The following KCNH3 variants were observed in gnomAD, a reference collection of about 807,000 sequenced individuals.
KCNH3 encodes the protein potassium voltage-gated channel subfamily H member 3.
In KCNH3, 36 loss-of-function variants were observed where a neutral mutation model predicts 95.6. That is an observed-to-expected ratio of 0.38 (90% confidence interval 0.29 to 0.50). The LOEUF (loss-of-function observed/expected upper bound fraction) is 0.50, where lower values mean the gene tolerates loss of function less well. KCNH3 is among the 20% of genes least tolerant of loss of function. The pLI is 0.95. For missense variants in KCNH3, 1,030 were observed against 1,484.1 expected (o/e 0.69, Z 5.03); for synonymous variants, 620 against 646.3 (o/e 0.96, Z 0.62).
In KCNH3 at chr12:49,556,304, C is replaced by A. The variant is rs540205301; in HGVS notation, c.2469-66C>A. 7 of 1,197,686 alleles carry A rather than the reference C, an allele frequency of 5.8e-6. No homozygotes were observed. In the African/African-American group the frequency reaches 9.0e-5, roughly 15 times the overall value. 74.2% of individuals were successfully genotyped at this position (1,197,686 alleles called of 1,614,324 possible). A position where few individuals can be genotyped will look rare whatever the true frequency, so the allele number is the denominator to read the frequency against. ...TGTGTGTGTGGACGCTGGGGCATCCCGTCCCGTATGACCCCACAGTGGCTG... is the reference window on the plus strand; with the variant it reads ...TGTGTGTGTGGACGCTGGGGCATCCAGTCCCGTATGACCCCACAGTGGCTG... On this transcript the variant is annotated intron_variant, in intron 12 of 14. Coordinates refer to ENST00000257981, the MANE Select transcript of KCNH3 (RefSeq NM_012284.3).
At chr12:49,544,141 T>TCCCAAC (rs1937972040) in intron 6 of KCNH3, 34 bp from the exon 7 acceptor site, 13 of 1,413,384 alleles carry the variant, frequency 9.2e-6, no homozygotes, top group Non-Finnish European at 1.2e-5. Flanking sequence ...CCCGCTGACC[T>TCCCAAC]CCCTCCCTCC....
Position 49,542,715 on chromosome 12 carries a change from G to A in KCNH3, c.455G>A (p.Arg152Gln), listed in dbSNP as rs930581543. Residue 152 changes from arginine to glutamine, a missense_variant, in exon 4 of 15, where the codon CGG becomes CAG. Arg to Gln is a conservative substitution (Grantham distance 43). Transcript: ENST00000257981. ...CCCTCTTCTTTCGCAGGTGGTGGCCGGCGCCGATATGGCCGGGCACGATCC... is the reference window on the plus strand; with the variant it reads ...CCCTCTTCTTTCGCAGGTGGTGGCCAGCGCCGATATGGCCGGGCACGATCC... ...PDRWKETGGG[R>Q]RRYGRARSKG... The A allele has an allele frequency of 1.8e-5, 29 of 1,577,052 alleles. No homozygotes were observed. Among genetic ancestry groups the A allele is most frequent in the East Asian group, 4.6e-5 (2 of 43,094 alleles).
At chr12:49,540,249 G>A (rs1937827164) in intron 1 of KCNH3, among the ~76,000 whole-genome samples, 1 of 152,130 alleles carries the variant, frequency 6.6e-6, no homozygotes, top group Non-Finnish European at 1.5e-5. Flanking sequence ...CCCACTCCGG[G>A]CTCCTCCATC....
rs1225197930 is a variant in KCNH3, at chr12:49,544,245, G to A, written c.1052G>A (p.Arg351Gln). 10 of 1,594,256 alleles carry A rather than the reference G, an allele frequency of 6.3e-6. No individual in the cohort carries two copies. Among genetic ancestry groups the A allele is most frequent in the African/African-American group, 1.3e-5 (1 of 74,580 alleles). The change falls in exon 7 of 15, where the codon CGG becomes CAG. Residue 351 changes from arginine (R) to glutamine (Q), a missense_variant. Arg to Gln is a conservative substitution (Grantham distance 43, BLOSUM62 1). Coordinates refer to ENST00000257981, the MANE Select transcript of KCNH3 (RefSeq NM_012284.3). Reference sequence around the variant, plus strand: ...CTGCGCCTGCTTCCGCGGCTGGACCGGTACTCGCAGTACAGCGCCGTGGTG... The same window carrying A: ...CTGCGCCTGCTTCCGCGGCTGGACCAGTACTCGCAGTACAGCGCCGTGGTG... Reference protein sequence around the residue: ...RLLRLLPRLDRYSQYSAVVLT... With the variant: ...RLLRLLPRLDQYSQYSAVVLT...
chr12:49,544,456 G>C (rs1841343877), intron 7 of KCNH3, 74 bp downstream of exon 7: 20 of 1,436,156 alleles, frequency 1.4e-5, no homozygotes, highest in Non-Finnish European at 1.6e-5. Flanking sequence ...CGTGGGTGCA[G>C]ATGTGTGGTG....
rs1334809694 is a variant in KCNH3 at position 49,539,614 on chromosome 12, C to T, written c.76+122C>T. On this transcript the variant is annotated intron_variant, in intron 1 of 14. Coordinates refer to ENST00000257981, the MANE Select transcript of KCNH3 (RefSeq NM_012284.3). This position sits in a 1 kb window ranked among gnomAD's most constrained non-coding sequence, Gnocchi z 6.7. ...CTATTCTCACCCTCTCCTCCCTACCCGCCCCTCTTGAGGCTGGGGCCATCG... is the reference window on the plus strand; with the variant it reads ...CTATTCTCACCCTCTCCTCCCTACCTGCCCCTCTTGAGGCTGGGGCCATCG... 5.0e-6 allele frequency: 4 copies of T among 798,656 alleles called. No homozygotes were observed. Among genetic ancestry groups the T allele is most frequent in the Admixed American group, 3.2e-5 (1 of 31,202 alleles). 49.5% of individuals were successfully genotyped at this position (798,656 alleles called of 1,614,324 possible).
chr12:49,544,064 G>A lies in KCNH3; in HGVS notation c.973G>A (p.Val325Ile), dbSNP rs774850043. ...LPFDLLHAFK[V>I]NVYFGAHLLK... ...CTTTGACCTGCTACATGCCTTCAAG[G>A]TCAACGTGGTCAGTGTGGCTGGGCT... The change falls in exon 6 of 15, where the codon GTC becomes ATC. Residue 325 changes from valine to isoleucine, a missense_variant. By Grantham distance (29) the Val-to-Ile change is conservative (BLOSUM62 3). Around this residue, in one of 9 missense-constraint regions of KCNH3, gnomAD observed 153 missense variants for 288.5 expected, o/e 0.53. Coordinates refer to ENST00000257981, the MANE Select transcript of KCNH3 (RefSeq NM_012284.3). The A allele has an allele frequency of 2.4e-5, 39 of 1,610,320 alleles. No individual in the cohort carries two copies. In the South Asian group the frequency reaches 4.3e-4, roughly 18 times the overall value.
chr12:49,542,234 A>T, intron 3 of KCNH3, among the ~76,000 whole-genome samples: 1 of 152,018 alleles, frequency 6.6e-6, no homozygotes, highest in Non-Finnish European at 1.5e-5. Flanking sequence ...CCATTTGGGG[A>T]TGCTGGGGGT....
chr12:49,546,741 C>A (rs959017302), intron 7 of KCNH3, among the ~76,000 whole-genome samples: 1 of 152,208 alleles, frequency 6.6e-6, no homozygotes, highest in Non-Finnish European at 1.5e-5. Context: ...GCTGATGCCC[C>A]ATGGCCAAGA....
At position 49,541,139 on chromosome 12, in the gene KCNH3, G is replaced by T. The variant is rs1479859566; in HGVS notation, c.310+7G>T. Reference sequence around the variant, plus strand: ...ATCCTGTACCGGAAGAGCGGTGAGGGGCCACCTGGCCAGCCTGCCTCACCT... The same window carrying T: ...ATCCTGTACCGGAAGAGCGGTGAGGTGCCACCTGGCCAGCCTGCCTCACCT... On this transcript the variant is annotated splice_region_variant and intron_variant, in intron 2 of 14. Coordinates refer to ENST00000257981, the MANE Select transcript of KCNH3 (RefSeq NM_012284.3). 2 of 1,592,256 alleles carry T rather than the reference G, an allele frequency of 1.3e-6. No homozygotes were observed. The highest frequency in any genetic ancestry group is 2.2e-5 in the East Asian group (1 of 44,626).
Position 49,554,344 on chromosome 12 carries a change from C to T in KCNH3, c.1926C>T (p.Gly642=), listed in dbSNP as rs1223300697. Residue 642 remains glycine, a synonymous_variant, in exon 11 of 15, where the codon GGC becomes GGT. Transcript: ENST00000257981. Reference sequence around the variant, plus strand: ...TCTACTTCCTCTCCCCAGGGAAGGGCGACCTGATCGGCTGTGAGCTGCCCC... The same window carrying T: ...TCTACTTCCTCTCCCCAGGGAAGGGTGACCTGATCGGCTGTGAGCTGCCCC... ...GGTVLAILGK[G]DLIGCELPRR... 6 of 1,613,322 alleles carry T rather than the reference C, an allele frequency of 3.7e-6. No individual in the cohort carries two copies. Among genetic ancestry groups the T allele is most frequent in the South Asian group, 3.3e-5 (3 of 91,080 alleles).
chr12:49,544,147 C>T, intron 6 of KCNH3, 28 bp from the exon 7 acceptor site: 1 of 1,318,990 alleles, frequency 7.6e-7, no homozygotes, highest in Non-Finnish European at 1.1e-6. Flanking sequence ...GACCTCCCTC[C>T]CTCCCTCCCT....
At chr12:49,551,650 G>A (rs865810897) in intron 10 of KCNH3, among the ~76,000 whole-genome samples, 12 of 151,210 alleles carry the variant, frequency 7.9e-5, no homozygotes, top group Non-Finnish European at 1.5e-4. Context: ...GACTATCACC[G>A]TGACCCTAGA....
At chr12:49,546,312 CTT>C (rs1458784973) in intron 7 of KCNH3, 1 of 152,192 alleles carries the variant, frequency 6.6e-6, no homozygotes, top group African/African-American at 2.4e-5. Context: ...CATTTAGAGA[CTT>C]TACAAGTTCT....
At chr12:49,540,874 T>G in intron 1 of KCNH3, 25 bp from the exon 2 acceptor site, 2 of 1,598,470 alleles carry the variant, frequency 1.3e-6, no homozygotes, top group Non-Finnish European at 1.7e-6. Flanking sequence ...ACCCCACGCC[T>G]CCTCTGAGAA....
Position 49,539,267 on chromosome 12 carries a change from G to A in KCNH3, c.-150G>A. 3.6e-6 allele frequency: 1 copy of A among 280,838 alleles called. No individual in the cohort carries two copies. Among genetic ancestry groups the A allele is most frequent in the Non-Finnish European group, 6.2e-6 (1 of 160,274 alleles). 17.4% of individuals were successfully genotyped at this position (280,838 alleles called of 1,614,324 possible). A position where few individuals can be genotyped will look rare whatever the true frequency, so the allele number is the denominator to read the frequency against. On this transcript the variant is annotated 5_prime_UTR_variant, in exon 1 of 15. Transcript: ENST00000257981. The surrounding 1 kb of genome is among the most constrained non-coding windows in gnomAD (Gnocchi z 6.7). ...GCCCCCTCGCGCGCCAGCGTCCGGC[G>A]CGACCCCGGATCCCGGTCTGCGCAT...
In KCNH3 at chr12:49,557,394, G is replaced by A; in HGVS notation, c.2693G>A (p.Gly898Glu). Residue 898 changes from glycine (G) to glutamate (E), a missense_variant, in exon 15 of 15, where the codon GGA (glycine) becomes GAA (glutamate). Physicochemically the swap from Gly to Glu is moderately conservative, Grantham distance 98. Transcript: ENST00000257981. ...LSEQVLQMRE[G>E]LQSLRQAVQL... ...GAGCAGGTGCTGCAGATGCGGGAAG[G>A]ACTGCAGTCACTTCGCCAGGCTGTG... The A allele has an allele frequency of 1.2e-6, 2 of 1,600,654 alleles. No homozygotes were observed. Among genetic ancestry groups the A allele is most frequent in the South Asian group, 1.1e-5 (1 of 89,700 alleles).
In KCNH3 at chr12:49,548,965, G is replaced by C. The variant is rs1403204270; in HGVS notation, c.1260G>C (p.Gly420=). 6.2e-7 allele frequency: 1 copy of C among 1,609,338 alleles called. No individual in the cohort carries two copies. The highest frequency in any genetic ancestry group is 8.5e-7 in the Non-Finnish European group (1 of 1,178,560). The change falls in exon 8 of 15, where the codon GGG becomes GGC. Residue 420 remains glycine (G), a synonymous_variant. Transcript: ENST00000257981. The stretch of plus-strand genomic sequence containing the variant: ...TGGTGGGCCGGAGGCCAGCTGGAGG[G>C]AACAGCTCCGGCCAGAGTGACAACT... The part of the protein sequence containing the change: ...YYLVGRRPAG[G]NSSGQSDNCS...
rs534071983 is a variant in KCNH3 at position 49,549,681 on chromosome 12, CAG to C, written c.1668+42_1668+43del. ...CTGGGCCTGCTAGCCTTTGCTCCCT[CAG>C]GGGGTTTGCAATAGCCTAGAATTAT... On this transcript the variant is annotated intron_variant, in intron 9 of 14. Transcript: ENST00000257981. 6.2e-4 allele frequency: 975 copies of C among 1,568,244 alleles called. 12 individuals are homozygous for C. Among genetic ancestry groups the C allele is most frequent in the Non-Finnish European group, 8.4e-5 (97 of 1,157,006 alleles).
Sources: gnomAD v4.1 joint callset for allele counts (sites outside exome capture counted in the v4.1 genomes callset) on GRCh38, gnomAD v4.1.1 for gene constraint, gnomAD v4.1.1 regional missense constraint, Gnocchi (gnomAD v3.1) non-coding constraint, MANE v1.5 for transcripts, NCBI Gene and HGNC (gene_info 2026-07-23, HGNC 2026-07-21) for gene names.